Variants in SLC22A15 observed in about 807,000 individuals in gnomAD.
The protein encoded by SLC22A15 is solute carrier family 22 member 15, also known as flipt 1.
A neutral mutation model predicts 62.7 loss-of-function variants in SLC22A15; 45 were observed. That is an observed-to-expected ratio of 0.72 (90% CI 0.56 to 0.92). The LOEUF is 0.92. Ranked by LOEUF, SLC22A15 falls within the 40% of genes least tolerant of loss-of-function variation. The pLI is 0.00. For missense variants in SLC22A15, 622 were observed against 665.6 expected, an observed-to-expected ratio of 0.93 and a Z score of 0.72; for synonymous variants, 264 against 267.0, an observed-to-expected ratio of 0.99 and a Z score of 0.11.
At chr1:115,982,774 T>C (rs1396537087) in intron 1 of SLC22A15, among the ~76,000 whole-genome samples, 2 of 152,240 alleles carry the variant, frequency 1.3e-5, no homozygotes, top group Middle Eastern at 3.2e-3. Flanking sequence ...AGAGGTTAGC[T>C]GGTGTAAATT....
intron 8 of SLC22A15, among the ~76,000 whole-genome samples, chr1:116,056,998 A>G (rs1658227454): frequency 1.3e-5 from 2 of 152,140 alleles, no homozygotes; most frequent in South Asian, 4.2e-4. Context: ...AGGCATGGGC[A>G]AGGACTTCAT....
chr1:116,034,824 A>G (rs1657572966), intron 6 of SLC22A15, among the ~76,000 whole-genome samples: 2 of 152,310 alleles, frequency 1.3e-5, no homozygotes, highest in Middle Eastern at 3.4e-3. Flanking sequence ...TATCTATAAC[A>G]AGTGTTCCAT....
intron 2 of SLC22A15, among the ~76,000 whole-genome samples, chr1:115,997,287 C>A (rs1390463282): frequency 6.6e-6 from 1 of 151,824 alleles, no homozygotes; most frequent in Non-Finnish European, 1.5e-5. Context: ...TATTCTGGGT[C>A]TTTGGTGGTT....
At chr1:115,996,984 G>A (rs985366772) in intron 2 of SLC22A15, among the ~76,000 whole-genome samples, 25 of 151,174 alleles carry the variant, frequency 1.7e-4, no homozygotes, top group African/African-American at 5.8e-4. Context: ...TTATTCCTCT[G>A]GCTAGCATGT....
chr1:116,017,459 A>C (rs1397476304), intron 2 of SLC22A15: 1 of 152,178 alleles, frequency 6.6e-6, no homozygotes, highest in East Asian at 1.9e-4. Flanking sequence ...TACCTTGTTA[A>C]GAATTGCATG....
chr1:116,013,642 G>A (rs1175236789), intron 2 of SLC22A15, among the ~76,000 whole-genome samples: 1 of 152,106 alleles, frequency 6.6e-6, no homozygotes, highest in Non-Finnish European at 1.5e-5. Context: ...CCATTTTAAA[G>A]CAATATTTTG....
At chr1:115,983,854 C>T (rs1654728957) in intron 1 of SLC22A15, among the ~76,000 whole-genome samples, 1 of 152,168 alleles carries the variant, frequency 6.6e-6, no homozygotes, top group Non-Finnish European at 1.5e-5. Context: ...GGCACTAAGG[C>T]ACCTGCCCCA....
rs1304257321 is a variant in SLC22A15 at position 116,068,242 on chromosome 1, A to G, written c.*1134A>G. 6.6e-6 allele frequency: 1 copy of G among 152,658 alleles called. No individual in the cohort carries two copies. The highest frequency in any genetic ancestry group is 2.4e-5 in the African/African-American group (1 of 41,468). 9.5% of individuals were successfully genotyped at this position (152,658 alleles called of 1,614,324 possible). A position where few individuals can be genotyped will look rare whatever the true frequency, so the allele number is the denominator to read the frequency against. ...TCATGTCTTGAAAACATGTTTTCTCATGAAACTTGAATACTATCTCAAATA... is the reference window on the plus strand; with the variant it reads ...TCATGTCTTGAAAACATGTTTTCTCGTGAAACTTGAATACTATCTCAAATA... On this transcript the variant is annotated 3_prime_UTR_variant, in exon 12 of 12. Coordinates refer to ENST00000369503, the MANE Select transcript of SLC22A15 (RefSeq NM_018420.3).
intron 6 of SLC22A15, among the ~76,000 whole-genome samples, chr1:116,033,828 A>G (rs770372096): frequency 1.2e-4 from 18 of 152,192 alleles, no homozygotes; most frequent in Admixed American, 6.5e-5. Context: ...TCCTGGCTAC[A>G]ATCCTGCCCG....
intron 8 of SLC22A15, among the ~76,000 whole-genome samples, chr1:116,038,614 AATGCT>A (rs1657694977): frequency 6.6e-6 from 1 of 152,250 alleles, no homozygotes; most frequent in Non-Finnish European, 1.5e-5. Flanking sequence ...TGCTCCTGCT[AATGCT>A]AAGTAGAGGA....
chr1:116,057,095 A>G (rs1015653426), intron 8 of SLC22A15, among the ~76,000 whole-genome samples: 1 of 152,136 alleles, frequency 6.6e-6, no homozygotes, highest in Non-Finnish European at 1.5e-5. Flanking sequence ...ACAGCAAAGG[A>G]AACTACCATC....
At chr1:115,979,431 T>C (rs1039363990) in intron 1 of SLC22A15, among the ~76,000 whole-genome samples, 8 of 152,202 alleles carry the variant, frequency 5.3e-5, no homozygotes, top group African/African-American at 1.7e-4. Flanking sequence ...AATGGTGATA[T>C]GTGGTATTAA....
chr1:116,020,871 A>G lies in SLC22A15; in HGVS notation c.584A>G (p.Tyr195Cys), dbSNP rs1023756143. 3.1e-6 allele frequency: 5 copies of G among 1,611,578 alleles called. No individual in the cohort carries two copies. The highest frequency in any genetic ancestry group is 4.2e-6 in the Non-Finnish European group (5 of 1,178,494). Residue 195 changes from tyrosine to cysteine, a missense_variant, in exon 4 of 12, where the codon TAC becomes TGC. By Grantham distance (194) the Tyr-to-Cys change is radical (BLOSUM62 -2). Coordinates refer to ENST00000369503, the MANE Select transcript of SLC22A15 (RefSeq NM_018420.3). ...CTTAATGAATGTGTGGGCACCGCCTACTGGGCACTTGCAGGTACTACTTAA... is the reference window on the plus strand; with the variant it reads ...CTTAATGAATGTGTGGGCACCGCCTGCTGGGCACTTGCAGGTACTACTTAA... ...VLLNECVGTA[Y>C]WALAGSIGGL...
chr1:116,051,777 A>G (rs6695850), intron 8 of SLC22A15, among the ~76,000 whole-genome samples: 143,053 of 152,220 alleles, frequency 0.94, 67,788 homozygotes, highest in East Asian at 1. Context: ...CGAGGTCCAC[A>G]CCGCGGTGAT....
At chr1:116,042,442 TACA>T (rs888196351) in intron 8 of SLC22A15, among the ~76,000 whole-genome samples, 5 of 151,902 alleles carry the variant, frequency 3.3e-5, no homozygotes, top group Admixed American at 2.6e-4. Flanking sequence ...AAAAAAACTA[TACA>T]ACATGAAACA....
At chr1:116,039,028 C>A (rs1038907461) in intron 8 of SLC22A15, among the ~76,000 whole-genome samples, 3 of 152,112 alleles carry the variant, frequency 2.0e-5, no homozygotes, top group Non-Finnish European at 4.4e-5. Context: ...ATGGTGAAGG[C>A]AGATGTATGG....
chr1:116,057,697 C>T (rs1658253354), intron 8 of SLC22A15, among the ~76,000 whole-genome samples: 1 of 152,074 alleles, frequency 6.6e-6, no homozygotes, highest in African/African-American at 2.4e-5. Flanking sequence ...GAAAATGTGG[C>T]ACATATACAC....
intron 2 of SLC22A15, among the ~76,000 whole-genome samples, chr1:116,013,032 G>T (rs1656348918): frequency 6.6e-6 from 1 of 152,210 alleles, no homozygotes; most frequent in African/African-American, 2.4e-5. Context: ...TGTGTTAGAT[G>T]ACTTGGTCCA....
chr1:116,065,656 T>C (rs1658480912), intron 10 of SLC22A15, among the ~76,000 whole-genome samples: 1 of 150,536 alleles, frequency 6.6e-6, no homozygotes, highest in African/African-American at 2.4e-5. Flanking sequence ...CTCCTCCCCC[T>C]TCTCCCTTTT....
Sources: allele counts gnomAD v4.1 joint callset (sites outside exome capture counted in the v4.1 genomes callset), GRCh38; gene constraint gnomAD v4.1.1; transcripts MANE v1.5; gene names NCBI Gene and HGNC (gene_info 2026-07-23, HGNC 2026-07-21).